Variants in BRWD3 observed in about 807,000 individuals in gnomAD.
The protein encoded by BRWD3 is bromodomain and WD repeat-containing protein 3.
BRWD3 carries 10 observed loss-of-function variants against 149.7 expected under a neutral mutation model. That is an observed-to-expected ratio of 0.07 (90% CI 0.04 to 0.11). BRWD3 has a LOEUF of 0.11. Among genes scored for constraint, BRWD3 ranks in the 10% least tolerant of loss-of-function variants. The probability of loss-of-function intolerance (pLI) is 1.00; values close to 1 mark genes in which losing one functional copy is unlikely to be tolerated. For missense variants in BRWD3, 940 were observed against 1,373.2 expected (o/e 0.68, Z 4.99); for synonymous variants, 504 against 456.7 (o/e 1.10, Z -1.32).
At chrX:80,697,328 G>A (rs2072715065) in intron 25 of BRWD3, among the ~76,000 whole-genome samples, 1 of 110,965 alleles carries the variant, frequency 9.0e-6, no homozygotes, top group African/African-American at 3.3e-5. Flanking sequence ...TGTTGTTTTT[G>A]TTTTACTTCA....
chrX:80,797,874 T>C (rs1230975351), intron 4 of BRWD3, among the ~76,000 whole-genome samples: 2 of 110,744 alleles, frequency 1.8e-5, no homozygotes, highest in African/African-American at 3.3e-5. Context: ...GGCGGATGGA[T>C]CACAGGGTCA....
chrX:80,689,070 T>A (rs2072575596), intron 33 of BRWD3, among the ~76,000 whole-genome samples: 1 of 111,508 alleles, frequency 9.0e-6, no homozygotes, highest in South Asian at 3.7e-4. Flanking sequence ...AAATATCTCA[T>A]GCCACTGCAA....
chrX:80,697,483 T>C (rs1040896898), intron 25 of BRWD3, among the ~76,000 whole-genome samples: 1 of 111,143 alleles, frequency 9.0e-6, no homozygotes, highest in Non-Finnish European at 1.9e-5. Flanking sequence ...CTAATCTCCC[T>C]TCCTTTGGAG....
At chrX:80,694,038 T>C (rs757691646) in intron 27 of BRWD3, among the ~76,000 whole-genome samples, 1 of 110,998 alleles carries the variant, frequency 9.0e-6, no homozygotes, top group Admixed American at 9.6e-5. Flanking sequence ...ACCCAGGGCC[T>C]AGAAGGAAAA....
chrX:80,789,685 A>C (rs961391563), intron 6 of BRWD3, among the ~76,000 whole-genome samples: 1 of 110,769 alleles, frequency 9.0e-6, no homozygotes, highest in Non-Finnish European at 1.9e-5. Context: ...CTCCATGCTT[A>C]AATTACTTGG....
In BRWD3 at chrX:80,677,345, G is replaced by C. The variant is rs1289170239; in HGVS notation, c.4673C>G (p.Pro1558Arg). ...CTCTCTGCCATCACCATTTGTAAGG[G>C]GTCCATCAAGGGAGTGATCTAAATT... ...PVKQDHSLDG[P>R]LTNGDGREPR... The change falls in exon 41 of 41, where the codon CCC becomes CGC. Residue 1558 changes from proline (P) to arginine (R), a missense_variant. Transcript: ENST00000373275. 1.7e-6 allele frequency: 2 copies of C among 1,198,201 alleles called. No individual in the cohort carries two copies. Among genetic ancestry groups the C allele is most frequent in the African/African-American group, 3.5e-5 (2 of 56,474 alleles).
chrX:80,722,470 G>A, intron 17 of BRWD3, 92 bp downstream of exon 17: 1 of 830,067 alleles, frequency 1.2e-6, no homozygotes, highest in Non-Finnish European at 1.8e-6. Flanking sequence ...ACCTACTCCA[G>A]AGTTTAGCAG....
intron 6 of BRWD3, among the ~76,000 whole-genome samples, chrX:80,754,299 T>G (rs1307828764): frequency 1.8e-5 from 2 of 111,949 alleles, no homozygotes; most frequent in Admixed American, 1.9e-4. Flanking sequence ...TGATTTTATC[T>G]TAGCTTGCTC....
At position 80,687,077 on chromosome X, in the gene BRWD3, T is replaced by A; in HGVS notation, c.3865-74A>T. ...TTGATTTTCTCATAAGTCCCTAATG[T>A]TAATATACCTATCTGTATGTGTGTA... is the stretch of plus-strand genomic sequence containing the variant. On this transcript the variant is annotated intron_variant, in intron 34 of 40. Coordinates refer to ENST00000373275, the MANE Select transcript of BRWD3 (RefSeq NM_153252.5). The A allele has an allele frequency of 2.4e-6, 2 of 832,479 alleles. 1 individual carries two copies. The highest frequency in any genetic ancestry group is 4.5e-5 in the South Asian group (2 of 44,424). 68.6% of individuals were successfully genotyped at this position (832,479 alleles called of 1,213,427 possible). A position where few individuals can be genotyped will look rare whatever the true frequency, so the allele number is the denominator to read the frequency against.
At chrX:80,729,877 A>G in intron 13 of BRWD3, 39 bp downstream of exon 13, 1 of 899,317 alleles carries the variant, frequency 1.1e-6, no homozygotes, top group Non-Finnish European at 1.6e-6. Flanking sequence ...TGTAAAATAT[A>G]TCATGAGAAC....
chrX:80,762,668 G>A (rs1602405693), intron 6 of BRWD3, among the ~76,000 whole-genome samples: 1 of 111,203 alleles, frequency 9.0e-6, no homozygotes, highest in African/African-American at 3.3e-5. Flanking sequence ...TGGCAGAGTC[G>A]CCTCTGGCTT....
chrX:80,721,176 CTT>C (rs961615108), intron 17 of BRWD3, among the ~76,000 whole-genome samples: 10 of 111,880 alleles, frequency 8.9e-5, no homozygotes, highest in African/African-American at 3.2e-4. Context: ...AATGTTAAAT[CTT>C]TTTCTTTCTT....
At chrX:80,720,407 C>T (rs1376921606) in intron 17 of BRWD3, among the ~76,000 whole-genome samples, 2 of 110,924 alleles carry the variant, frequency 1.8e-5, no homozygotes, top group Non-Finnish European at 3.8e-5. Context: ...TGTGTCTTAA[C>T]TTTTAAAAAG....
chrX:80,713,006 C>T (rs1284917624), intron 20 of BRWD3, among the ~76,000 whole-genome samples: 5 of 108,687 alleles, frequency 4.6e-5, no homozygotes, highest in East Asian at 3.0e-4. Flanking sequence ...CCACCCCGTC[C>T]GGGAGGGAGG....
intron 9 of BRWD3, 61 bp from the exon 10 acceptor site, chrX:80,735,258 T>C (rs1304463490): frequency 2.7e-5 from 24 of 895,466 alleles, no homozygotes; most frequent in Non-Finnish European, 3.8e-5. Context: ...GCCAGAATGT[T>C]AGCGCACTAC....
At chrX:80,697,144 G>A (rs2072711833) in intron 25 of BRWD3, among the ~76,000 whole-genome samples, 1 of 110,078 alleles carries the variant, frequency 9.1e-6, no homozygotes, top group Non-Finnish European at 1.9e-5. Flanking sequence ...TTCTGTTTGG[G>A]GTATAGCTCG....
chrX:80,695,053 A>G (rs920633191), intron 27 of BRWD3, among the ~76,000 whole-genome samples: 2 of 110,916 alleles, frequency 1.8e-5, no homozygotes, highest in Admixed American at 9.6e-5. Context: ...TGATTGGATT[A>G]TGGGGGCAGT....
In BRWD3 at chrX:80,717,407, CATT is replaced by C. The variant is rs2073088234; in HGVS notation, c.2231+163_2231+165del. 3 of 480,310 alleles carry C rather than the reference CATT, an allele frequency of 6.2e-6. No individual in the cohort carries two copies. The South Asian group carries it at 9.7e-5, about 16-fold the overall frequency. The allele number at this position is 480,310 out of a possible 1,213,427, so 39.6% of individuals were successfully genotyped here. ...CATTCAGCACAAAGCTGAAGATGAT[CATT>C]ATTTGTTACGAAGTGAACTCACTGG... On this transcript the variant is annotated intron_variant, in intron 19 of 40. Transcript: ENST00000373275.
intron 4 of BRWD3, among the ~76,000 whole-genome samples, chrX:80,803,140 G>A (rs2074319901): frequency 9.3e-6 from 1 of 107,585 alleles, no homozygotes; most frequent in Non-Finnish European, 1.9e-5. Context: ...TGTCAAGCAA[G>A]GGCATCTCTA....
Sources: allele counts gnomAD v4.1 joint callset (sites outside exome capture counted in the v4.1 genomes callset), GRCh38; gene constraint gnomAD v4.1.1; transcripts MANE v1.5; gene names NCBI Gene and HGNC (gene_info 2026-07-23, HGNC 2026-07-21).